RAB37: variants seen among roughly 807,000 people sequenced by gnomAD.
RAB37 encodes the protein RAB37, member RAS oncogene family.
RAB37 carries 29 observed loss-of-function variants against 33.1 expected under a neutral mutation model. The ratio of observed to expected loss-of-function variants is 0.88; its 90% confidence interval spans 0.65 to 1.20. The LOEUF (loss-of-function observed/expected upper bound fraction) is 1.20, where lower values mean the gene tolerates loss of function less well. Ranked by LOEUF, RAB37 falls within the 50% of genes most tolerant of loss-of-function variation. RAB37 has a pLI of 0.00. For missense variants in RAB37, 299 were observed against 301.1 expected, an observed-to-expected ratio of 0.99 and a Z score of 0.05; for synonymous variants, 128 against 119.5, an observed-to-expected ratio of 1.07 and a Z score of -0.47.
At chr17:74,736,644 G>A (rs2034479105), upstream of RAB37, 1 of 1,535,382 alleles carries the variant, frequency 6.5e-7, no homozygotes, top group Admixed American at 2.0e-5. Flanking sequence ...AACAGGCCGG[G>A]GGAAATGAGA....
At position 74,729,244 on chromosome 17, in the gene RAB37, G is replaced by A; in HGVS notation, c.73-12G>A. 1 of 1,603,796 alleles carries A rather than the reference G, an allele frequency of 6.2e-7. No homozygotes were observed. Among genetic ancestry groups the A allele is most frequent in the Non-Finnish European group, 8.5e-7 (1 of 1,170,644 alleles). On this transcript the variant is annotated splice_polypyrimidine_tract_variant and intron_variant, in intron 1 of 7. Coordinates refer to the RAB37 transcript ENST00000340415. The surrounding 1 kb of genome is among the most constrained non-coding windows in gnomAD (Gnocchi z 4.2). ...ACAGGCCCTCAGCTCTCTCTCTATTGTTCCCTTCCAGACCATCCTGGTGGG... is the reference window on the plus strand; with the variant it reads ...ACAGGCCCTCAGCTCTCTCTCTATTATTCCCTTCCAGACCATCCTGGTGGG...
chr17:74,694,953 C>A lies in RAB37; in HGVS notation c.72+23295C>A, dbSNP rs950800418. On this transcript the variant is annotated intron_variant, in intron 1 of 7. Transcript: ENST00000340415. ...CCCTGAGACTTGGCCCCAAGCCCAACCCAGAGCTAGGGGCAATGCTGGCTG... is the reference window on the plus strand; with the variant it reads ...CCCTGAGACTTGGCCCCAAGCCCAAACCAGAGCTAGGGGCAATGCTGGCTG... 7.4e-6 allele frequency: 7 copies of A among 940,444 alleles called. No individual in the cohort carries two copies. The African/African-American group carries it at 1.0e-4, about 13-fold the overall frequency. The allele number at this position is 940,444 out of a possible 1,614,324, so 58.3% of individuals were successfully genotyped here. A position where few individuals can be genotyped will look rare whatever the true frequency, so the allele number is the denominator to read the frequency against.
At chr17:74,701,572 T>C (rs1021281320) in intron 1 of RAB37, among the ~76,000 whole-genome samples, 1 of 151,978 alleles carries the variant, frequency 6.6e-6, no homozygotes, top group Non-Finnish European at 1.5e-5. Flanking sequence ...AAAAGAAAAA[T>C]AGGGACAAAG....
At chr17:74,711,229 G>A (rs1346085086) in intron 1 of RAB37, among the ~76,000 whole-genome samples, 2 of 152,044 alleles carry the variant, frequency 1.3e-5, no homozygotes, top group Non-Finnish European at 2.9e-5. Context: ...GTGGTATCCG[G>A]GCTCCATGTT....
At chr17:74,734,924 GAGAA>G (rs1413379428), upstream of RAB37, among the ~76,000 whole-genome samples, 1 of 114,234 alleles carries the variant, frequency 8.8e-6, no homozygotes, top group African/African-American at 4.2e-5. Flanking sequence ...GAAGGAAGGA[GAGAA>G]AGAAAGAGAA....
intron 1 of RAB37, among the ~76,000 whole-genome samples, chr17:74,685,102 C>T (rs1358233415): frequency 2.0e-5 from 3 of 149,186 alleles, no homozygotes; most frequent in Non-Finnish European, 4.4e-5. Context: ...AACATTTTGC[C>T]TTAAAAAAAA....
chr17:74,702,295 C>T (rs1193132859), intron 1 of RAB37, among the ~76,000 whole-genome samples: 3 of 152,166 alleles, frequency 2.0e-5, no homozygotes, highest in Non-Finnish European at 4.4e-5. Context: ...CACTAAGAGG[C>T]ATGACCTGAG....
At chr17:74,706,014 G>T (rs2033475937) in intron 1 of RAB37, among the ~76,000 whole-genome samples, 1 of 152,170 alleles carries the variant, frequency 6.6e-6, no homozygotes, top group Non-Finnish European at 1.5e-5. Context: ...AATACCGCAT[G>T]TTCTCACTTA....
intron 1 of RAB37, among the ~76,000 whole-genome samples, chr17:74,682,639 T>C (rs2031977483): frequency 6.6e-6 from 1 of 152,206 alleles, no homozygotes; most frequent in African/African-American, 2.4e-5. Context: ...GCGTGGTGGA[T>C]CATGCTTGTA....
chr17:74,723,575 C>CTTTTTTT (rs35936012), intron 1 of RAB37, among the ~76,000 whole-genome samples: 1 of 133,184 alleles, frequency 7.5e-6, no homozygotes, highest in Non-Finnish European at 1.6e-5. Flanking sequence ...AATTAACTAA[C>CTTTTTTT]TTTTTTTTTT....
intron 1 of RAB37, among the ~76,000 whole-genome samples, chr17:74,693,082 CAGAG>C (rs1257379345): frequency 6.6e-6 from 1 of 152,184 alleles, no homozygotes; most frequent in African/African-American, 2.4e-5. Flanking sequence ...AGCAACAAGA[CAGAG>C]AGAAATTGGA....
chr17:74,684,688 G>T (rs1376311055), intron 1 of RAB37, among the ~76,000 whole-genome samples: 1 of 152,104 alleles, frequency 6.6e-6, no homozygotes, highest in Non-Finnish European at 1.5e-5. Context: ...TACTCAGGAG[G>T]CTGAGGCAGG....
rs540261911 is a variant in RAB37 at position 74,682,891 on chromosome 17, C to T, written c.72+11233C>T. ...TGCACTCCAGCCTGGGCAATAAGAGCGAAACTCCGTCTCAAAAAAAAAGAG... is the reference window on the plus strand; with the variant it reads ...TGCACTCCAGCCTGGGCAATAAGAGTGAAACTCCGTCTCAAAAAAAAAGAG... On this transcript the variant is annotated intron_variant, in intron 1 of 7. Transcript: ENST00000340415. Among the ~76,000 whole-genome samples the T allele has an allele frequency of 2.3e-4, 35 of 152,104 alleles. 1 individual carries two copies. The highest frequency in any genetic ancestry group is 3.9e-4 in the Admixed American group (6 of 15,272).
intron 1 of RAB37, among the ~76,000 whole-genome samples, chr17:74,726,264 T>C (rs1598308622): frequency 7.2e-6 from 1 of 139,756 alleles, no homozygotes; most frequent in South Asian, 2.3e-4. Context: ...CCATGACCAA[T>C]ATGAGAGGAT....
intron 1 of RAB37, chr17:74,704,644 C>G (rs2143778792): frequency 1.2e-6 from 2 of 1,614,220 alleles, no homozygotes; most frequent in East Asian, 2.2e-5. Flanking sequence ...TCACCTCCTG[C>G]TCTGACCCAC....
intron 1 of RAB37, among the ~76,000 whole-genome samples, chr17:74,678,010 C>T (rs1023295468): frequency 9.2e-5 from 14 of 152,162 alleles, no homozygotes; most frequent in African/African-American, 3.4e-4. Context: ...GAAACTCCGC[C>T]TTACTGGGTG....
chr17:74,724,755 T>C (rs1165974659), intron 1 of RAB37, among the ~76,000 whole-genome samples: 1 of 152,096 alleles, frequency 6.6e-6, no homozygotes, highest in African/African-American at 2.4e-5. Flanking sequence ...GTAGGGGAGA[T>C]GACAAAGTAC....
In RAB37 at chr17:74,729,355, A is replaced by G; in HGVS notation, c.172A>G (p.Ile58Val). The G allele has an allele frequency of 1.2e-6, 2 of 1,613,686 alleles. No homozygotes were observed. Among genetic ancestry groups the G allele is most frequent in the Non-Finnish European group, 8.5e-7 (1 of 1,179,632 alleles). The change falls in exon 2 of 8, where the codon ATC becomes GTC. Residue 58 changes from isoleucine to valine, a missense_variant. Coordinates refer to the RAB37 transcript ENST00000340415. This position sits in a 1 kb window ranked among gnomAD's most constrained non-coding sequence, Gnocchi z 4.2. ...CGGCTCCTTCTCGGCCACTGTGGGC[A>G]TCGGATTCACGGTAAGCACTGGCCG...
chr17:74,703,844 C>T (rs929250070), intron 1 of RAB37, among the ~76,000 whole-genome samples: 6 of 152,188 alleles, frequency 3.9e-5, no homozygotes, highest in African/African-American at 1.4e-4. Flanking sequence ...GGCACTGGGA[C>T]CCCTGAGCTA....
Sources: gnomAD v4.1 joint callset for allele counts (sites outside exome capture counted in the v4.1 genomes callset) on GRCh38, gnomAD v4.1.1 for gene constraint, Gnocchi (gnomAD v3.1) non-coding constraint, MANE v1.5 for transcripts, NCBI Gene and HGNC (gene_info 2026-07-23, HGNC 2026-07-21) for gene names.